The following UNC80 variants were observed in gnomAD, a reference collection of about 807,000 sequenced individuals.
UNC80 encodes the protein unc-80 subunit of NALCN channel complex, also known as protein unc-80 homolog.
Under a neutral mutation model 384.6 loss-of-function variants are expected in UNC80, and 164 were observed. The observed-to-expected ratio is 0.43, with a 90% confidence interval of 0.38 to 0.49. The LOEUF is 0.49. Ranked by LOEUF, UNC80 falls within the 20% of genes least tolerant of loss-of-function variation. The pLI is 0.00. For missense variants in UNC80, 3,330 were observed against 4,143.0 expected (o/e 0.80, Z 5.39); for synonymous variants, 1,486 against 1,527.8 (o/e 0.97, Z 0.64).
At chr2:209,806,873 C>G (rs2078933654) in intron 7 of UNC80, among the ~76,000 whole-genome samples, 1 of 152,190 alleles carries the variant, frequency 6.6e-6, no homozygotes, top group Admixed American at 6.5e-5. Context: ...TGCATAGAGT[C>G]AAGACTGACA....
At chr2:209,804,773 G>GT (rs1173630852) in intron 7 of UNC80, among the ~76,000 whole-genome samples, 337 of 43,926 alleles carry the variant, frequency 7.7e-3, no homozygotes, top group Non-Finnish European at 0.011. Flanking sequence ...GTTTTGTTTT[G>GT]TTTTTTTTTT....
chr2:209,817,700 A>T (rs528874530), intron 10 of UNC80, 112 bp from the exon 11 acceptor site: 3 of 1,325,000 alleles, frequency 2.3e-6, no homozygotes, highest in South Asian at 1.5e-5. Context: ...TGTGTTTCAC[A>T]CTTTTCCTAA....
intron 24 of UNC80, 106 bp downstream of exon 24, chr2:209,878,195 G>C: frequency 8.6e-7 from 1 of 1,164,416 alleles, no homozygotes; most frequent in South Asian, 2.1e-5. Flanking sequence ...ACCTCCCCAT[G>C]TCTTTCCACT....
chr2:209,863,604 C>A (rs2083493477), intron 22 of UNC80, among the ~76,000 whole-genome samples: 1 of 151,658 alleles, frequency 6.6e-6, no homozygotes, highest in Non-Finnish European at 1.5e-5. Flanking sequence ...ACTTTGATAT[C>A]CTTTCTTCTG....
chr2:209,840,348 C>T (rs1463047304), intron 19 of UNC80, among the ~76,000 whole-genome samples, 194 bp from the exon 20 acceptor site: 1 of 152,138 alleles, frequency 6.6e-6, no homozygotes, highest in African/African-American at 2.4e-5. Flanking sequence ...TCGTCTTGGT[C>T]CCACATGCTT....
chr2:209,915,495 C>T (rs2124945243), intron 31 of UNC80, among the ~76,000 whole-genome samples: 1 of 151,078 alleles, frequency 6.6e-6, no homozygotes, highest in East Asian at 1.9e-4. Flanking sequence ...ACTAACATGG[C>T]TAGCATGGCT....
intron 7 of UNC80, among the ~76,000 whole-genome samples, chr2:209,811,779 C>CA (rs1319219001): frequency 1.3e-5 from 2 of 152,146 alleles, no homozygotes; most frequent in African/African-American, 4.8e-5. Context: ...ATTGTGTACA[C>CA]AGGCAATTGT....
At chr2:209,804,292 A>G (rs1236289085) in intron 7 of UNC80, among the ~76,000 whole-genome samples, 2 of 152,180 alleles carry the variant, frequency 1.3e-5, no homozygotes, top group African/African-American at 4.8e-5. Context: ...AGGTGGAAAA[A>G]TATTGGAAGG....
intron 15 of UNC80, among the ~76,000 whole-genome samples, chr2:209,830,162 G>A (rs2080852035): frequency 6.6e-6 from 1 of 152,184 alleles, no homozygotes; most frequent in South Asian, 2.1e-4. Context: ...TATAACAAAT[G>A]TATGATCACA....
Position 209,926,868 on chromosome 2 carries a change from G to A in UNC80, c.5688G>A (p.Thr1896=), listed in dbSNP as rs1056853044. ...ATGAGGAACATACCACTGAACACAC[G>A]CCGAACCACCATGTGCCTCAGCCCC... The part of the protein sequence containing the change: ...AEDEEHTTEH[T]PNHHVPQPPQ... Residue 1896 remains threonine (T), a synonymous_variant, in exon 36 of 65, where the codon ACG becomes ACA. Transcript: ENST00000673920. 6 of 1,552,004 alleles carry A rather than the reference G, an allele frequency of 3.9e-6. No individual in the cohort carries two copies. Among genetic ancestry groups the A allele is most frequent in the African/African-American group, 1.4e-5 (1 of 73,008 alleles).
chr2:209,793,748 A>T lies in UNC80; in HGVS notation c.827A>T (p.Gln276Leu), dbSNP rs756506394. The T allele has an allele frequency of 1.2e-6, 2 of 1,614,126 alleles. No homozygotes were observed. Among genetic ancestry groups the T allele is most frequent in the Admixed American group, 1.7e-5 (1 of 60,028 alleles). Residue 276 changes from glutamine (Q) to leucine (L), a missense_variant, in exon 7 of 65, where the codon CAG becomes CTG. By Grantham distance (113) the Gln-to-Leu change is moderately radical (BLOSUM62 -2). Transcript: ENST00000673920. Reference sequence around the variant, plus strand: ...CTCCAGGTGGTTTGTGAAACATTCCAGTCTGATTCCATCTCACCCAAGGCC... The same window carrying T: ...CTCCAGGTGGTTTGTGAAACATTCCTGTCTGATTCCATCTCACCCAAGGCC... Reference protein sequence around the residue: ...EGLQVVCETFQSDSISPKATI... With the variant: ...EGLQVVCETFLSDSISPKATI...
At chr2:209,911,994 T>A (rs2089000690) in intron 29 of UNC80, among the ~76,000 whole-genome samples, 1 of 152,202 alleles carries the variant, frequency 6.6e-6, no homozygotes, top group South Asian at 2.1e-4. Context: ...CCTGTACAAC[T>A]CAGTCCTTGA....
chr2:209,946,107 TC>T (rs1449940166), intron 47 of UNC80, among the ~76,000 whole-genome samples, 164 bp downstream of exon 47: 2 of 152,304 alleles, frequency 1.3e-5, no homozygotes, highest in African/African-American at 4.8e-5. Context: ...ACACCTATAA[TC>T]CCAGCACTTT....
chr2:209,865,190 G>A (rs1294308052), intron 22 of UNC80, among the ~76,000 whole-genome samples: 3 of 151,902 alleles, frequency 2.0e-5, no homozygotes, highest in African/African-American at 7.3e-5. Context: ...AGAGAACCTG[G>A]ATACCTTGGT....
intron 7 of UNC80, among the ~76,000 whole-genome samples, chr2:209,808,331 G>A (rs1360331922): frequency 6.6e-6 from 1 of 152,100 alleles, no homozygotes; most frequent in African/African-American, 2.4e-5. Context: ...GGGAAGCCGA[G>A]GCGAGTGGGT....
intron 59 of UNC80, among the ~76,000 whole-genome samples, chr2:209,981,029 C>T (rs2093145006): frequency 6.6e-6 from 1 of 152,102 alleles, no homozygotes; most frequent in South Asian, 2.1e-4. Flanking sequence ...GATTATATAG[C>T]AAATTAAAAT....
At chr2:209,899,766 A>G (rs552783503) in intron 28 of UNC80, among the ~76,000 whole-genome samples, 10 of 152,298 alleles carry the variant, frequency 6.6e-5, no homozygotes, top group Admixed American at 4.6e-4. Context: ...CCCCATCACA[A>G]TGAAATTTCC....
At chr2:209,881,989 C>T (rs534570259) in intron 25 of UNC80, among the ~76,000 whole-genome samples, 65 of 134,044 alleles carry the variant, frequency 4.8e-4, no homozygotes, top group African/African-American at 1.3e-3. Context: ...TTTTTTGAGA[C>T]GGAGTCTTGC....
chr2:209,797,128 C>T (rs745884669), intron 7 of UNC80, among the ~76,000 whole-genome samples: 1 of 152,050 alleles, frequency 6.6e-6, no homozygotes, highest in Non-Finnish European at 1.5e-5. Flanking sequence ...GAGATTTATC[C>T]ACATTATAGC....
Sources: allele counts gnomAD v4.1 joint callset (sites outside exome capture counted in the v4.1 genomes callset), GRCh38; gene constraint gnomAD v4.1.1; transcripts MANE v1.5; gene names NCBI Gene and HGNC (gene_info 2026-07-23, HGNC 2026-07-21).